Variants in EVI5 observed in about 807,000 individuals in gnomAD.
The protein encoded by EVI5 is ecotropic viral integration site 5 protein homolog.
Under a neutral mutation model 112.0 loss-of-function variants are expected in EVI5, and 73 were observed. The ratio of observed to expected loss-of-function variants is 0.65; its 90% CI spans 0.54 to 0.79. The LOEUF (loss-of-function observed/expected upper bound fraction) is 0.79. EVI5 is among the 30% of genes least tolerant of loss of function. EVI5 has a pLI of 0.00. For missense variants in EVI5, 900 were observed against 968.8 expected, an observed-to-expected ratio of 0.93 and a Z score of 0.94; for synonymous variants, 305 against 319.9, an observed-to-expected ratio of 0.95 and a Z score of 0.50.
chr1:92,610,034 T>A (rs549431900), intron 16 of EVI5, among the ~76,000 whole-genome samples: 1 of 152,272 alleles, frequency 6.6e-6, no homozygotes, highest in South Asian at 2.1e-4. Context: ...CACAGGCATG[T>A]GCCACTACGC....
chr1:92,766,129 TAATAATA>T (rs2103016128), intron 1 of EVI5, among the ~76,000 whole-genome samples: 1 of 134,990 alleles, frequency 7.4e-6, no homozygotes, highest in Non-Finnish European at 1.6e-5. Context: ...ATAATAATAA[TAATAATA>T]ATTAATAAAA....
At chr1:92,787,544 C>T (rs1015715127), upstream of EVI5, among the ~76,000 whole-genome samples, 73 of 146,240 alleles carry the variant, frequency 5.0e-4, no homozygotes, top group South Asian at 3.8e-3. Flanking sequence ...CTAGCCTGAG[C>T]AATATGGCAA....
At chr1:92,706,909 T>C (rs1232938239) in intron 2 of EVI5, among the ~76,000 whole-genome samples, 2 of 151,832 alleles carry the variant, frequency 1.3e-5, no homozygotes, top group Non-Finnish European at 2.9e-5. Flanking sequence ...TGGCCGGGCG[T>C]GGTGGCTCAT....
chr1:92,623,841 T>C (rs1031725918), intron 16 of EVI5, among the ~76,000 whole-genome samples: 4 of 152,298 alleles, frequency 2.6e-5, no homozygotes, highest in African/African-American at 9.6e-5. Flanking sequence ...CAAAGTATCT[T>C]CTAGCCAAAA....
rs1245384867 is a variant in EVI5, at chr1:92,512,080, T to C, written c.*1576A>G. 6.6e-6 allele frequency: 1 copy of C among 152,618 alleles called. No homozygotes were observed. The highest frequency in any genetic ancestry group is 1.9e-4 in the East Asian group (1 of 5,202). 9.5% of individuals were successfully genotyped at this position (152,618 alleles called of 1,614,324 possible). A position where few individuals can be genotyped will look rare whatever the true frequency, so the allele number is the denominator to read the frequency against. On this transcript the variant is annotated 3_prime_UTR_variant, in exon 20 of 20. Coordinates refer to ENST00000684568, the MANE Select transcript of EVI5 (RefSeq NM_001350197.2). ...CCCAGTCAACATATTCATGTCGTCT[T>C]TCCATAGTGCAAGTATAATTTGGGT... is the stretch of plus-strand genomic sequence containing the variant.
chr1:92,522,017 C>T (rs992324852), intron 19 of EVI5, among the ~76,000 whole-genome samples: 6 of 152,174 alleles, frequency 3.9e-5, no homozygotes, highest in Non-Finnish European at 4.4e-5. Context: ...TTGGTCATTA[C>T]ACATGTTGTT....
At chr1:92,521,493 C>A (rs1660921078) in intron 19 of EVI5, among the ~76,000 whole-genome samples, 1 of 152,164 alleles carries the variant, frequency 6.6e-6, no homozygotes, top group East Asian at 1.9e-4. Context: ...GAGTTTGAGA[C>A]CAGCCTGGCC....
chr1:92,556,309 G>A (rs968491320), intron 19 of EVI5, among the ~76,000 whole-genome samples: 1 of 151,854 alleles, frequency 6.6e-6, no homozygotes, highest in Non-Finnish European at 1.5e-5. Flanking sequence ...TGATTCACCC[G>A]CCTCGGCTTC....
chr1:92,611,979 A>G (rs2101647169), intron 16 of EVI5, among the ~76,000 whole-genome samples: 1 of 152,276 alleles, frequency 6.6e-6, no homozygotes, highest in South Asian at 2.1e-4. Flanking sequence ...ACTGACTAAC[A>G]GGTGAACAAA....
rs770143502 is a variant in EVI5 at position 92,677,150 on chromosome 1, C to A, written c.1158+8G>T. 1.9e-6 allele frequency: 3 copies of A among 1,564,524 alleles called. No individual in the cohort carries two copies. Among genetic ancestry groups the A allele is most frequent in the Non-Finnish European group, 2.6e-6 (3 of 1,141,636 alleles). ...AATCAGTACTTTAAAAAGCCCCCAA[C>A]TGCTTACTTTAATTTCAACTTGCTC... On this transcript the variant is annotated splice_region_variant and intron_variant, in intron 10 of 19. Transcript: ENST00000684568.
At chr1:92,588,605 A>G (rs898091609) in intron 18 of EVI5, among the ~76,000 whole-genome samples, 1 of 152,236 alleles carries the variant, frequency 6.6e-6, no homozygotes, top group Non-Finnish European at 1.5e-5. Context: ...ATTTCACACC[A>G]TAAGATTTAT....
Position 92,607,618 on chromosome 1 carries a change from C to G in EVI5, c.1937G>C (p.Ser646Thr), listed in dbSNP as rs1037069623. The G allele has an allele frequency of 6.3e-7, 1 of 1,598,950 alleles. No homozygotes were observed. The highest frequency in any genetic ancestry group is 1.1e-5 in the South Asian group (1 of 87,014). The change falls in exon 17 of 20, where the codon AGT becomes ACT. Residue 646 changes from serine to threonine, a missense_variant. Coordinates refer to ENST00000684568, the MANE Select transcript of EVI5 (RefSeq NM_001350197.2). ...AQNKGLLTQL[S>T]EAKRKQAEIE... ...CTCTGCTTGTTTACGCTTTGCTTCA[C>G]TTAATTGAGTAAGGAGTCCTTTGTT...
intron 18 of EVI5, among the ~76,000 whole-genome samples, chr1:92,583,510 CAAAAAAAAAAAAAA>C (rs71091290): frequency 1.8e-5 from 1 of 55,386 alleles, no homozygotes; most frequent in East Asian, 6.0e-4. Flanking sequence ...GGCTCTGTCT[CAAAAAAAAAAAAAA>C]AAAAAAAAAA....
intron 1 of EVI5, among the ~76,000 whole-genome samples, chr1:92,745,875 A>G (rs1679180479): frequency 6.6e-6 from 1 of 152,124 alleles, no homozygotes; most frequent in Non-Finnish European, 1.5e-5. Context: ...ATTACTCTTC[A>G]TGAATCTTCT....
intron 18 of EVI5, among the ~76,000 whole-genome samples, chr1:92,597,344 G>C (rs1648139801): frequency 6.6e-6 from 1 of 152,174 alleles, no homozygotes; most frequent in African/African-American, 2.4e-5. Flanking sequence ...TAAAGCATAT[G>C]TGAGGATAGC....
Position 92,625,573 on chromosome 1 carries a change from T to C in EVI5, c.1668+221A>G, listed in dbSNP as rs72966728. 1,769 of 400,818 alleles carry C rather than the reference T, an allele frequency of 4.4e-3. 23 individuals carry two copies. Among genetic ancestry groups the C allele is most frequent in the African/African-American group, 0.032 (1,626 of 50,312 alleles). 24.8% of individuals were successfully genotyped at this position (400,818 alleles called of 1,614,324 possible). A position where few individuals can be genotyped will look rare whatever the true frequency, so the allele number is the denominator to read the frequency against. ...CAATGGTACAATGACAAAAATATTA[T>C]CTGATGTCTACTGTATCTTTTATTT... On this transcript the variant is annotated intron_variant, in intron 15 of 19. Coordinates refer to ENST00000684568, the MANE Select transcript of EVI5 (RefSeq NM_001350197.2).
chr1:92,775,184 T>C (rs892687409), intron 1 of EVI5, among the ~76,000 whole-genome samples: 2 of 152,166 alleles, frequency 1.3e-5, no homozygotes. Context: ...TCCCAGCACT[T>C]TGGGAGACTG....
At chr1:92,527,077 T>C (rs899058013) in intron 19 of EVI5, among the ~76,000 whole-genome samples, 12 of 152,278 alleles carry the variant, frequency 7.9e-5, no homozygotes, top group South Asian at 4.1e-4. Flanking sequence ...AACGCTCTAA[T>C]AGCAAAACCG....
chr1:92,710,784 T>C (rs1470270304), intron 2 of EVI5, among the ~76,000 whole-genome samples: 2 of 151,896 alleles, frequency 1.3e-5, no homozygotes, highest in Admixed American at 6.6e-5. Context: ...CCAACTGGAC[T>C]CCAAACAGTA....
Sources: gnomAD v4.1 joint callset for allele counts (sites outside exome capture counted in the v4.1 genomes callset) on GRCh38, gnomAD v4.1.1 for gene constraint, MANE v1.5 for transcripts, NCBI Gene and HGNC (gene_info 2026-07-23, HGNC 2026-07-21) for gene names.